The following YES1 variants were observed in gnomAD, a reference collection of about 807,000 sequenced individuals.
The protein encoded by YES1 is tyrosine-protein kinase Yes.
YES1 carries 39 observed loss-of-function variants against 70.4 expected under a neutral mutation model. That is an observed-to-expected ratio of 0.55 (90% CI 0.43 to 0.72). The LOEUF (loss-of-function observed/expected upper bound fraction) is 0.72. Ranked by LOEUF, YES1 falls within the 30% of genes least tolerant of loss-of-function variation. The probability of loss-of-function intolerance (pLI) is 0.00; values close to 1 mark genes in which losing one functional copy is unlikely to be tolerated. For synonymous variants in YES1, 198 were observed against 218.6 expected (o/e 0.91, Z 0.83); for missense variants, 495 against 644.8 (o/e 0.77, Z 2.52).
At chr18:775,189 CT>C (rs1201991325) in intron 1 of YES1, 1 of 152,060 alleles carries the variant, frequency 6.6e-6, no homozygotes, top group Non-Finnish European at 1.5e-5. Flanking sequence ...AAAAACACAC[CT>C]AACATAGTGG....
chr18:775,424 C>T (rs1208010052), intron 1 of YES1, among the ~76,000 whole-genome samples: 1 of 152,138 alleles, frequency 6.6e-6, no homozygotes, highest in Admixed American at 6.5e-5. Context: ...ATGCTATTAA[C>T]CCTGCTCAGT....
intron 1 of YES1, among the ~76,000 whole-genome samples, chr18:792,517 C>T (rs1201513179): frequency 5.3e-5 from 8 of 150,128 alleles, no homozygotes; most frequent in South Asian, 2.1e-4. Flanking sequence ...CAGAAACACA[C>T]TGAGACTCCA....
intron 11 of YES1, among the ~76,000 whole-genome samples, chr18:732,485 G>T (rs965157334): frequency 7.1e-6 from 1 of 140,150 alleles, no homozygotes; most frequent in Non-Finnish European, 1.5e-5. Flanking sequence ...TACTGGGAAA[G>T]AACAGTTATT....
intron 1 of YES1, among the ~76,000 whole-genome samples, chr18:786,273 T>C (rs1410039620): frequency 6.6e-6 from 1 of 150,812 alleles, no homozygotes; most frequent in African/African-American, 2.4e-5. Context: ...GGGGTGGGGG[T>C]TGACTTCCTT....
In YES1 at chr18:769,273, A is replaced by G. The variant is rs143782272; in HGVS notation, c.-8-12438T>C. Among the ~76,000 whole-genome samples the G allele has an allele frequency of 3.2e-3, 489 of 152,318 alleles. 1 individual carries two copies. Among genetic ancestry groups the G allele is most frequent in the Middle Eastern group, 0.031 (9 of 294 alleles). On this transcript the variant is annotated intron_variant, in intron 1 of 11. Coordinates refer to ENST00000314574, the MANE Select transcript of YES1 (RefSeq NM_005433.4). ...CCGTAAGTAAATCTGTATACAAAGT[A>G]TATTTGTATATTACGTTCTTGTGAC...
chr18:740,975 G>T (rs1190756936), intron 8 of YES1, among the ~76,000 whole-genome samples: 2 of 152,146 alleles, frequency 1.3e-5, no homozygotes, highest in African/African-American at 2.4e-5. Context: ...TTGGCTCACT[G>T]CAACCTCTGC....
intron 10 of YES1, among the ~76,000 whole-genome samples, chr18:734,945 G>A (rs1203615164): frequency 1.3e-5 from 2 of 152,070 alleles, no homozygotes; most frequent in African/African-American, 4.8e-5. Flanking sequence ...ATCACCTGAG[G>A]TCAGGAGTTT....
chr18:789,608 C>CA (rs565221226), intron 1 of YES1, among the ~76,000 whole-genome samples: 38 of 152,000 alleles, frequency 2.5e-4, no homozygotes, highest in African/African-American at 8.9e-4. Context: ...ACCCCCAAAA[C>CA]AAAAAAACCC....
chr18:771,219 A>C (rs565738546), intron 1 of YES1, among the ~76,000 whole-genome samples: 2 of 151,288 alleles, frequency 1.3e-5, no homozygotes, highest in African/African-American at 4.9e-5. Flanking sequence ...ATACAAAAAT[A>C]AGCTGGGCAT....
rs567674084 is a variant in YES1, at chr18:807,440, G to A, written c.-9+4674C>T. Among the ~76,000 whole-genome samples the A allele has an allele frequency of 3.9e-5, 6 of 152,210 alleles. No homozygotes were observed. The East Asian group carries it at 9.7e-4, about 25-fold the overall frequency. On this transcript the variant is annotated intron_variant, in intron 1 of 11. Coordinates refer to ENST00000314574, the MANE Select transcript of YES1 (RefSeq NM_005433.4). The stretch of plus-strand genomic sequence containing the variant: ...CTTGGGCCCCAGAGGTCAAGGCTGC[G>A]GTGAGCTGTGACTGCACCACTGCAC...
At chr18:790,498 A>G (rs1400414495) in intron 1 of YES1, among the ~76,000 whole-genome samples, 1 of 152,250 alleles carries the variant, frequency 6.6e-6, no homozygotes, top group African/African-American at 2.4e-5. Context: ...CAAAAAATCT[A>G]GTATAGTTTA....
rs2079988455 is a variant in YES1, at chr18:723,944, AC to A, written c.*479del. ...ATACTGACTGTTTAACTTAGAAAAA[AC>A]TTTTGAGAATAATAAATGCAAGAAA... On this transcript the variant is annotated 3_prime_UTR_variant, in exon 12 of 12. Transcript: ENST00000314574. 2 of 155,938 alleles carry A rather than the reference AC, an allele frequency of 1.3e-5. No homozygotes were observed. The highest frequency in any genetic ancestry group is 2.9e-5 in the Non-Finnish European group (2 of 70,058). 9.7% of individuals were successfully genotyped at this position (155,938 alleles called of 1,614,324 possible).
intron 1 of YES1, among the ~76,000 whole-genome samples, chr18:763,228 T>C (rs1904684908): frequency 6.6e-6 from 1 of 152,202 alleles, no homozygotes; most frequent in Non-Finnish European, 1.5e-5. Context: ...TGCAATAACT[T>C]TTAGACTTTC....
In YES1 at chr18:739,719, G is replaced by GTA. The variant is rs1327031757; in HGVS notation, c.1137+14_1137+15dup. On this transcript the variant is annotated intron_variant, in intron 9 of 11. Transcript: ENST00000314574. Reference sequence around the variant, plus strand: ...ACACTTTTAATTCAAATGGATACATGTATATATACAGATACCTGAGCAGCC... The same window carrying GTA: ...ACACTTTTAATTCAAATGGATACATGTATATATATACAGATACCTGAGCAGCC... 2 of 1,584,654 alleles carry GTA rather than the reference G, an allele frequency of 1.3e-6. No homozygotes were observed. The highest frequency in any genetic ancestry group is 2.2e-5 in the East Asian group (1 of 44,554).
At chr18:787,870 C>T (rs1302202565) in intron 1 of YES1, 1 of 152,114 alleles carries the variant, frequency 6.6e-6, no homozygotes, top group African/African-American at 2.4e-5. Context: ...CATAGATCGA[C>T]ATATATCAAA....
chr18:802,130 C>T (rs1906855590), intron 1 of YES1, among the ~76,000 whole-genome samples: 1 of 152,194 alleles, frequency 6.6e-6, no homozygotes, highest in African/African-American at 2.4e-5. Context: ...GGTGTAGTGG[C>T]TCAAGCCTGT....
chr18:808,518 G>A (rs1327511990), intron 1 of YES1, among the ~76,000 whole-genome samples: 1 of 152,160 alleles, frequency 6.6e-6, no homozygotes, highest in Non-Finnish European at 1.5e-5. Flanking sequence ...CTCGCTATAG[G>A]ACTTATATTA....
chr18:725,348 T>C (rs1231522357), intron 11 of YES1, among the ~76,000 whole-genome samples: 1 of 152,202 alleles, frequency 6.6e-6, no homozygotes, highest in Non-Finnish European at 1.5e-5. Flanking sequence ...CCATCCCTTG[T>C]ATCTCTTGGA....
At chr18:811,767 G>T (rs1907395717) in intron 1 of YES1, among the ~76,000 whole-genome samples, 1 of 152,158 alleles carries the variant, frequency 6.6e-6, no homozygotes, top group South Asian at 2.1e-4. Context: ...GGCCGTAGGG[G>T]CAAAAATAAA....
Sources: gnomAD v4.1 joint callset for allele counts (sites outside exome capture counted in the v4.1 genomes callset) on GRCh38, gnomAD v4.1.1 for gene constraint, MANE v1.5 for transcripts, NCBI Gene and HGNC (gene_info 2026-07-23, HGNC 2026-07-21) for gene names.